The following ALKBH5 variants were observed in gnomAD, a reference collection of about 807,000 sequenced individuals.
The protein encoded by ALKBH5 is alkB homolog 5, RNA demethylase.
Under a neutral mutation model 32.1 loss-of-function variants are expected in ALKBH5, and 2 were observed. The ratio of observed to expected loss-of-function variants is 0.06; its 90% CI spans 0.03 to 0.20. ALKBH5 has a LOEUF of 0.20. Among genes scored for constraint, ALKBH5 ranks in the 10% least tolerant of loss-of-function variants. ALKBH5 has a pLI of 1.00. For synonymous variants in ALKBH5, 300 were observed against 231.7 expected (o/e 1.29, Z -2.68); for missense variants, 352 against 559.5 (o/e 0.63, Z 3.74).
chr17:18,206,473 G>A, intron 2 of ALKBH5: 1 of 200,024 alleles, frequency 5.0e-6, no homozygotes, highest in Non-Finnish European at 1.0e-5. Context: ...GAAGTAGATG[G>A]CCCCAGAGAA....
chr17:18,192,854 C>CTTTTTTTTTTTT (rs201150139), intron 1 of ALKBH5, among the ~76,000 whole-genome samples: 17 of 115,584 alleles, frequency 1.5e-4, no homozygotes, highest in East Asian at 2.3e-4. Flanking sequence ...CTGTCTTTTT[C>CTTTTTTTTTTTT]TTTTTTTTTT....
chr17:18,189,242 T>C (rs2047159045), intron 1 of ALKBH5, among the ~76,000 whole-genome samples: 1 of 150,684 alleles, frequency 6.6e-6, no homozygotes, highest in South Asian at 2.1e-4. Flanking sequence ...ATTAGCTGGG[T>C]GTGGTGGCGG....
chr17:18,187,439 A>C lies in ALKBH5; in HGVS notation c.770+2426A>C, dbSNP rs533236137. Among the ~76,000 whole-genome samples, 9 of 152,258 alleles carry C rather than the reference A, an allele frequency of 5.9e-5. No homozygotes were observed. The South Asian group carries it at 1.9e-3, about 32-fold the overall frequency. On this transcript the variant is annotated intron_variant, in intron 1 of 3. Coordinates refer to ENST00000399138, the MANE Select transcript of ALKBH5 (RefSeq NM_017758.4). ...TGCTATTGTTATTCAGGGCTTGATA[A>C]TGCTTCATTGTTGAGGCTGTTCGTG...
rs893321962 is a variant in ALKBH5, at chr17:18,194,859, G to A, written c.771-96G>A. On this transcript the variant is annotated intron_variant, in intron 1 of 3. Transcript: ENST00000399138. The stretch of plus-strand genomic sequence containing the variant: ...CTCAAGTAATGGGTAGAGAGCAGCC[G>A]TAAGACCTAGGCCATGTTCCTGTCC... 2.1e-5 allele frequency: 21 copies of A among 981,554 alleles called. 1 individual carries two copies. The highest frequency in any genetic ancestry group is 1.7e-4 in the South Asian group (12 of 69,018). The allele number at this position is 981,554 out of a possible 1,614,324, so 60.8% of individuals were successfully genotyped here. A position where few individuals can be genotyped will look rare whatever the true frequency, so the allele number is the denominator to read the frequency against.
intron 1 of ALKBH5, 70 bp downstream of exon 1, chr17:18,185,083 A>C: frequency 6.4e-7 from 1 of 1,554,318 alleles, no homozygotes; most frequent in South Asian, 1.2e-5. Flanking sequence ...CCCAGAAAGC[A>C]GCAGCCCGTA....
intron 1 of ALKBH5, among the ~76,000 whole-genome samples, chr17:18,188,533 G>A (rs1245892931): frequency 6.6e-6 from 1 of 152,172 alleles, no homozygotes; most frequent in Non-Finnish European, 1.5e-5. Flanking sequence ...GGGAAAGTAG[G>A]GCAGATAGGT....
chr17:18,189,718 C>T (rs1020547030), intron 1 of ALKBH5, among the ~76,000 whole-genome samples: 1 of 152,212 alleles, frequency 6.6e-6, no homozygotes, highest in African/African-American at 2.4e-5. Context: ...TCCTCATCTG[C>T]AAAACCAGTC....
chr17:18,197,483 T>C (rs754731070), intron 2 of ALKBH5, among the ~76,000 whole-genome samples: 2 of 152,226 alleles, frequency 1.3e-5, no homozygotes, highest in African/African-American at 4.8e-5. Flanking sequence ...TAATGTTACA[T>C]AGAACCAGAG....
intron 1 of ALKBH5, among the ~76,000 whole-genome samples, chr17:18,186,122 G>T (rs552695080): frequency 6.6e-6 from 1 of 152,322 alleles, no homozygotes; most frequent in African/African-American, 2.4e-5. Context: ...AACAGCTGAG[G>T]CTGCTTCCAT....
At chr17:18,207,352 T>TA (rs1259694639) in intron 3 of ALKBH5, among the ~76,000 whole-genome samples, 2 of 141,834 alleles carry the variant, frequency 1.4e-5, no homozygotes, top group Non-Finnish European at 3.2e-5. Context: ...TTTGAGGAGA[T>TA]AATTTTTTTT....
chr17:18,191,327 A>G (rs2047173372), intron 1 of ALKBH5, among the ~76,000 whole-genome samples: 1 of 152,164 alleles, frequency 6.6e-6, no homozygotes, highest in Non-Finnish European at 1.5e-5. Flanking sequence ...GAAGACCAGT[A>G]CTAATAAGCC....
Position 18,209,909 on chromosome 17 carries a change from G to A in ALKBH5, c.*1513G>A, listed in dbSNP as rs972241139. On this transcript the variant is annotated 3_prime_UTR_variant, in exon 4 of 4. Transcript: ENST00000399138. ...AGTTGTGTGTGCAGCACTTCGCCCT[G>A]ATATGTGTGCTCTACAATAAAAACC... is the stretch of plus-strand genomic sequence containing the variant. The A allele has an allele frequency of 2.0e-5, 3 of 152,626 alleles. No individual in the cohort carries two copies. The highest frequency in any genetic ancestry group is 7.2e-5 in the African/African-American group (3 of 41,428). The allele number at this position is 152,626 out of a possible 1,614,324, so 9.5% of individuals were successfully genotyped here. A position where few individuals can be genotyped will look rare whatever the true frequency, so the allele number is the denominator to read the frequency against.
Position 18,184,512 on chromosome 17 carries a change from G to T in ALKBH5, c.269G>T (p.Arg90Leu). ...GCGCGCAAGGTGAAGAGCGGCATCC[G>T]CCAGATGCGCCTCTTCAGCCAGGAC... Reference protein sequence around the residue: ...EEARKVKSGIRQMRLFSQDEC... With the variant: ...EEARKVKSGILQMRLFSQDEC... The change falls in exon 1 of 4, where the codon CGC becomes CTC. Residue 90 changes from arginine to leucine, a missense_variant. Arg to Leu is a moderately radical substitution (Grantham distance 102). Transcript: ENST00000399138. 4.3e-6 allele frequency: 7 copies of T among 1,613,106 alleles called. No homozygotes were observed. The highest frequency in any genetic ancestry group is 4.2e-6 in the Non-Finnish European group (5 of 1,179,900).
Position 18,187,321 on chromosome 17 carries a change from G to C in ALKBH5, c.770+2308G>C, listed in dbSNP as rs575305219. 9.0e-4 allele frequency among the ~76,000 whole-genome samples: 137 copies of C among 152,196 alleles called. 1 individual carries two copies. The highest frequency in any genetic ancestry group is 8.4e-4 in the Non-Finnish European group (57 of 68,016). On this transcript the variant is annotated intron_variant, in intron 1 of 3. Transcript: ENST00000399138. ...TAGCAGGAGTAGCCATAGGTAAGAG[G>C]GGGTGGATGTTGATGGGAGGCAGAT...
chr17:18,205,629 AC>A (rs1271086974), intron 2 of ALKBH5, among the ~76,000 whole-genome samples: 1 of 152,188 alleles, frequency 6.6e-6, no homozygotes, highest in Non-Finnish European at 1.5e-5. Flanking sequence ...TGCATGACTT[AC>A]TGCCTTTCTG....
chr17:18,207,061 C>T, intron 3 of ALKBH5, 91 bp downstream of exon 3: 1 of 1,489,282 alleles, frequency 6.7e-7, no homozygotes, highest in Non-Finnish European at 9.0e-7. Flanking sequence ...TGTTTAGGAG[C>T]CTTGGCTTGC....
chr17:18,204,434 A>G (rs2142489074), intron 2 of ALKBH5, among the ~76,000 whole-genome samples: 1 of 146,318 alleles, frequency 6.8e-6, no homozygotes, highest in Non-Finnish European at 1.5e-5. Context: ...CTGGACAACA[A>G]GAGTAAAACT....
At chr17:18,196,852 G>A (rs564302501) in intron 2 of ALKBH5, among the ~76,000 whole-genome samples, 2 of 152,216 alleles carry the variant, frequency 1.3e-5, no homozygotes, top group East Asian at 3.9e-4. Context: ...CTGCAGGGGG[G>A]ATTGGTCTAC....
At position 18,184,845 on chromosome 17, in the gene ALKBH5, T is replaced by C. The variant is rs1178002817; in HGVS notation, c.602T>C (p.Ile201Thr). The C allele has an allele frequency of 6.2e-7, 1 of 1,614,088 alleles. No homozygotes were observed. The highest frequency in any genetic ancestry group is 1.3e-5 in the African/African-American group (1 of 74,954). ...VINDYQPGGCIVSHVDPIHIF... is the reference protein window; with the variant it reads ...VINDYQPGGCTVSHVDPIHIF... ...AACGACTACCAGCCCGGCGGCTGCATCGTGTCTCACGTGGACCCCATCCAC... is the reference window on the plus strand; with the variant it reads ...AACGACTACCAGCCCGGCGGCTGCACCGTGTCTCACGTGGACCCCATCCAC... The change falls in exon 1 of 4, where the codon ATC (isoleucine) becomes ACC (threonine). Residue 201 changes from isoleucine to threonine, a missense_variant. Around this residue, in one of 4 missense-constraint regions of ALKBH5, gnomAD observed 56 missense variants for 238.1 expected, o/e 0.24. Transcript: ENST00000399138.
Sources: gnomAD v4.1 joint callset for allele counts (sites outside exome capture counted in the v4.1 genomes callset) on GRCh38, gnomAD v4.1.1 for gene constraint, gnomAD v4.1.1 regional missense constraint, MANE v1.5 for transcripts, NCBI Gene and HGNC (gene_info 2026-07-23, HGNC 2026-07-21) for gene names.